LRCH2: variants seen among roughly 807,000 people sequenced by gnomAD.
LRCH2 encodes leucine rich repeats and calponin homology domain containing 2.
Under a neutral mutation model 68.9 loss-of-function variants are expected in LRCH2, and 38 were observed. The observed-to-expected ratio is 0.55, with a 90% confidence interval of 0.43 to 0.72. The LOEUF is 0.72. Among genes scored for constraint, LRCH2 ranks in the 30% least tolerant of loss-of-function variants. LRCH2 has a pLI of 0.00. For synonymous variants in LRCH2, 191 were observed against 208.1 expected (o/e 0.92, Z 0.71); for missense variants, 528 against 572.9 (o/e 0.92, Z 0.80).
At chrX:115,130,100 A>T in intron 15 of LRCH2, 55 bp downstream of exon 15, 1 of 717,082 alleles carries the variant, frequency 1.4e-6, no homozygotes, top group Non-Finnish European at 2.0e-6. Context: ...TCACTGAGCC[A>T]ACTTCATATG....
chrX:115,150,072 TA>T lies in LRCH2; in HGVS notation c.1530-3del. 2.6e-6 allele frequency: 3 copies of T among 1,148,431 alleles called. No homozygotes were observed. The highest frequency in any genetic ancestry group is 5.1e-5 in the Admixed American group (2 of 39,149). The allele number at this position is 1,148,431 out of a possible 1,213,427, so 94.6% of individuals were successfully genotyped here. On this transcript the variant is annotated splice_region_variant and splice_polypyrimidine_tract_variant and intron_variant, in intron 12 of 20. Transcript: ENST00000317135. ...GAATTAACTTCATCTGCTGAGACAC[TA>T]AAAAATTGAAGATGCCTTAATACGT...
intron 1 of LRCH2, among the ~76,000 whole-genome samples, chrX:115,222,276 C>T (rs1166707395): frequency 6.3e-5 from 7 of 111,371 alleles, no homozygotes; most frequent in Non-Finnish European, 1.3e-4. Context: ...GACCATTTAC[C>T]GAAAAAAACA....
intron 20 of LRCH2, among the ~76,000 whole-genome samples, chrX:115,121,618 A>G (rs1400729209): frequency 1.8e-5 from 2 of 112,257 alleles, no homozygotes; most frequent in African/African-American, 6.5e-5. Flanking sequence ...CCACTGCACT[A>G]CTCCAGCCTG....
chrX:115,226,834 G>A (rs1288637670), intron 1 of LRCH2, among the ~76,000 whole-genome samples: 1 of 111,162 alleles, frequency 9.0e-6, no homozygotes, highest in Non-Finnish European at 1.9e-5. Flanking sequence ...CTCCATCTAA[G>A]AATAACTATA....
At chrX:115,142,769 A>G (rs1488413334) in intron 14 of LRCH2, among the ~76,000 whole-genome samples, 2 of 111,909 alleles carry the variant, frequency 1.8e-5, no homozygotes, top group African/African-American at 6.5e-5. Context: ...TTAAAGAACC[A>G]GAAAAGGAAG....
chrX:115,189,440 A>G (rs782547043), intron 1 of LRCH2: 1 of 1,163,710 alleles, frequency 8.6e-7, no homozygotes, highest in Non-Finnish European at 1.1e-6. Flanking sequence ...CGGCAGGGAG[A>G]CATGATGGAA....
chrX:115,128,068 CA>C (rs1232834473), intron 15 of LRCH2, among the ~76,000 whole-genome samples: 1 of 111,841 alleles, frequency 8.9e-6, no homozygotes, highest in Non-Finnish European at 1.9e-5. Flanking sequence ...GAAGTTATTG[CA>C]GTAGAACAGG....
In LRCH2 at chrX:115,233,997, A is replaced by G; in HGVS notation, c.45T>C (p.Gly15=). 8.6e-7 allele frequency: 1 copy of G among 1,163,284 alleles called. No homozygotes were observed. The highest frequency in any genetic ancestry group is 1.1e-6 in the Non-Finnish European group (1 of 871,399). Residue 15 remains glycine (G), a synonymous_variant, in exon 1 of 21, where the codon GGT becomes GGC. Transcript: ENST00000317135. The part of the protein sequence containing the change: ...QGGGGNSGGG[G]CGGGGSSGGC... ...CACCGCTACTTCCACCTCCACCACAACCGCCGCCCCCACTGTTACCGCCTC... is the reference window on the plus strand; with the variant it reads ...CACCGCTACTTCCACCTCCACCACAGCCGCCGCCCCCACTGTTACCGCCTC...
intron 14 of LRCH2, among the ~76,000 whole-genome samples, chrX:115,143,154 T>C (rs1023028886): frequency 1.8e-5 from 2 of 110,213 alleles, no homozygotes; most frequent in Non-Finnish European, 3.8e-5. Context: ...CAGAAATAAA[T>C]AAATTTGAAA....
chrX:115,148,362 A>G lies in LRCH2; in HGVS notation c.1695+1465T>C, dbSNP rs184332754. ...GTCTTAGGACAGTGCCTGGCACTTAATAAGTGCTATGTAAGTTTTTTGACA... is the reference window on the plus strand; with the variant it reads ...GTCTTAGGACAGTGCCTGGCACTTAGTAAGTGCTATGTAAGTTTTTTGACA... On this transcript the variant is annotated intron_variant, in intron 14 of 20. Transcript: ENST00000317135. Among the ~76,000 whole-genome samples, 29 of 112,138 alleles carry G rather than the reference A, an allele frequency of 2.6e-4. No individual in the cohort carries two copies. In the East Asian group the frequency reaches 7.6e-3, roughly 29 times the overall value.
chrX:115,213,215 G>A (rs782338366), intron 1 of LRCH2, among the ~76,000 whole-genome samples: 2 of 112,033 alleles, frequency 1.8e-5, no homozygotes, highest in South Asian at 7.6e-4. Flanking sequence ...TGTAAGATGC[G>A]CAGAAACATG....
At chrX:115,176,741 CT>C (rs1241375452) in intron 5 of LRCH2, among the ~76,000 whole-genome samples, 1 of 104,447 alleles carries the variant, frequency 9.6e-6, no homozygotes, top group East Asian at 2.9e-4. Context: ...TTTCTTTTTT[CT>C]TTTTTTTTCT....
Position 115,190,362 on chromosome X carries a change from C to T in LRCH2, c.350-1992G>A, listed in dbSNP as rs371343556. The T allele has an allele frequency of 9.5e-4, 1,106 of 1,161,048 alleles. 1 individual carries two copies. The highest frequency in any genetic ancestry group is 2.1e-3 in the Middle Eastern group (9 of 4,264). The stretch of plus-strand genomic sequence containing the variant: ...CCTACCGAGAGCCCCTCAAGAGCTA[C>T]GGAGGCCCATGCGGCGCTGCCCCTG... On this transcript the variant is annotated intron_variant, in intron 1 of 20. Coordinates refer to ENST00000317135, the MANE Select transcript of LRCH2 (RefSeq NM_020871.4).
chrX:115,140,899 T>C (rs1426946370), intron 14 of LRCH2, among the ~76,000 whole-genome samples: 3 of 110,647 alleles, frequency 2.7e-5, no homozygotes, highest in African/African-American at 9.9e-5. Flanking sequence ...AATGGCTGAA[T>C]AGATGAAAAA....
intron 1 of LRCH2, among the ~76,000 whole-genome samples, chrX:115,200,181 C>CA (rs1393280441): frequency 4.1e-4 from 45 of 110,106 alleles, no homozygotes; most frequent in South Asian, 7.6e-4. Flanking sequence ...TGCCTATTAT[C>CA]AAAAAAAAGA....
At chrX:115,216,307 T>C (rs950393584) in intron 1 of LRCH2, among the ~76,000 whole-genome samples, 2 of 111,835 alleles carry the variant, frequency 1.8e-5, no homozygotes, top group Admixed American at 1.9e-4. Flanking sequence ...ATGATGAGTG[T>C]TGGGAATATA....
rs1483158104 is a variant in LRCH2, at chrX:115,233,794, G to A, written c.248C>T (p.Ala83Val). The A allele has an allele frequency of 3.4e-6, 4 of 1,173,120 alleles. No individual in the cohort carries two copies. The highest frequency in any genetic ancestry group is 3.2e-5 in the East Asian group (1 of 31,288). ...GCCGGAGCTGCCCGCCTCTTCCAGG[G>A]CCCGGTCCAGGCTCCTCACGGTGTG... ...PQHTVRSLDR[A>V]LEEAGSSGIL... The change falls in exon 1 of 21, where the codon GCC (alanine) becomes GTC (valine). Residue 83 changes from alanine (A) to valine (V), a missense_variant. Coordinates refer to ENST00000317135, the MANE Select transcript of LRCH2 (RefSeq NM_020871.4).
In LRCH2 at chrX:115,191,978, G is replaced by C. The variant is rs190897539; in HGVS notation, c.350-3608C>G. On this transcript the variant is annotated intron_variant, in intron 1 of 20. Transcript: ENST00000317135. ...TACAGTGGGGGCCGTGACAGTTCCA[G>C]CAACAGTTACGACCGGAGCCACCGC... The C allele has an allele frequency of 1.4e-5, 16 of 1,155,635 alleles. No homozygotes were observed. The East Asian group carries it at 3.3e-4, about 24-fold the overall frequency.
At chrX:115,179,842 T>C (rs1349549865) in intron 3 of LRCH2, 91 bp from the exon 4 acceptor site, 4 of 310,267 alleles carry the variant, frequency 1.3e-5, no homozygotes, top group East Asian at 8.7e-5. Flanking sequence ...TTAAAGCACA[T>C]GGTTAATAGC....
Sources: allele counts gnomAD v4.1 joint callset (sites outside exome capture counted in the v4.1 genomes callset), GRCh38; gene constraint gnomAD v4.1.1; transcripts MANE v1.5; gene names NCBI Gene and HGNC (gene_info 2026-07-23, HGNC 2026-07-21).